UGT1A7: variants seen among roughly 807,000 people sequenced by gnomAD.
The protein encoded by UGT1A7 is UDP-glucuronosyltransferase 1A7.
UGT1A7 carries 33 observed loss-of-function variants against 45.6 expected under a neutral mutation model. The ratio of observed to expected loss-of-function variants is 0.72; its 90% CI spans 0.55 to 0.97. The LOEUF (loss-of-function observed/expected upper bound fraction) is 0.97. UGT1A7 is among the 50% of genes least tolerant of loss of function. UGT1A7 has a pLI of 0.00. For synonymous variants in UGT1A7, 274 were observed against 250.6 expected, an observed-to-expected ratio of 1.09 and a Z score of -0.88; for missense variants, 684 against 666.2, an observed-to-expected ratio of 1.03 and a Z score of -0.29.
At chr2:233,721,929 C>A in intron 1 of UGT1A7, 1 of 379,728 alleles carries the variant, frequency 2.6e-6, no homozygotes, top group East Asian at 7.5e-5. Context: ...AAAGTGACAT[C>A]CTTCAGACAC....
chr2:233,767,805 T>C lies in UGT1A7; in HGVS notation c.988-44T>C, dbSNP rs774301079. On this transcript the variant is annotated intron_variant, in intron 2 of 4. Coordinates refer to ENST00000373426, the MANE Select transcript of UGT1A7 (RefSeq NM_019077.3). The stretch of plus-strand genomic sequence containing the variant: ...GTATAGCAGATTTGTTTTCTAATCA[T>C]ATTATGTTCTTTCTTTACGTTCTGC... 24 of 1,614,048 alleles carry C rather than the reference T, an allele frequency of 1.5e-5. No homozygotes were observed. In the South Asian group the frequency reaches 2.5e-4, roughly 17 times the overall value.
chr2:233,709,107 T>G (rs899292294), intron 1 of UGT1A7, among the ~76,000 whole-genome samples: 1 of 152,146 alleles, frequency 6.6e-6, no homozygotes, highest in Non-Finnish European at 1.5e-5. Context: ...CATGCCCATC[T>G]CTGAACTAAT....
In UGT1A7 at chr2:233,740,213, C is replaced by G. The variant is rs984335401; in HGVS notation, c.856-26821C>G. On this transcript the variant is annotated intron_variant, in intron 1 of 4. Coordinates refer to ENST00000373426, the MANE Select transcript of UGT1A7 (RefSeq NM_019077.3). Reference sequence around the variant, plus strand: ...CTTTCTTTTATAAATTACCCAGTCTCAGCTGCGTCTTTATAGCAGGCTGAG... The same window carrying G: ...CTTTCTTTTATAAATTACCCAGTCTGAGCTGCGTCTTTATAGCAGGCTGAG... Among the ~76,000 whole-genome samples the G allele has an allele frequency of 9.6e-4, 146 of 151,922 alleles. 3 individuals are homozygous for G. Among genetic ancestry groups the G allele is most frequent in the African/African-American group, 3.4e-3 (142 of 41,200 alleles).
At chr2:233,687,583 TAAAAAAA>T (rs71398794) in intron 1 of UGT1A7, among the ~76,000 whole-genome samples, 8 of 107,466 alleles carry the variant, frequency 7.4e-5, no homozygotes, top group Non-Finnish European at 1.1e-4. Flanking sequence ...ACATTCTTTG[TAAAAAAA>T]AAAAAAAAAA....
At chr2:233,686,989 C>T (rs2074816060) in intron 1 of UGT1A7, among the ~76,000 whole-genome samples, 1 of 152,178 alleles carries the variant, frequency 6.6e-6, no homozygotes, top group Admixed American at 6.5e-5. Context: ...TACCCCAAGT[C>T]TTGGTTTCAA....
At chr2:233,747,184 G>A in intron 1 of UGT1A7, 1 of 1,602,858 alleles carries the variant, frequency 6.2e-7, no homozygotes, top group Non-Finnish European at 8.5e-7. Flanking sequence ...GCGTGGGGTG[G>A]ACAGTCAGCT....
At chr2:233,711,907 T>C (rs1300995032) in intron 1 of UGT1A7, among the ~76,000 whole-genome samples, 1 of 152,214 alleles carries the variant, frequency 6.6e-6, no homozygotes, top group Non-Finnish European at 1.5e-5. Context: ...GTGAGACCAT[T>C]GTGAGTGCTC....
rs193084224 is a variant in UGT1A7 at position 233,739,721 on chromosome 2, A to C, written c.856-27313A>C. On this transcript the variant is annotated intron_variant, in intron 1 of 4. Coordinates refer to ENST00000373426, the MANE Select transcript of UGT1A7 (RefSeq NM_019077.3). ...ACAGGCTCATGGGGGAAGGGACTTG[A>C]CTTGTCTCAGATGAGACCTTGGACT... 9.4e-3 allele frequency among the ~76,000 whole-genome samples: 1,433 copies of C among 152,244 alleles called. 32 individuals are homozygous for C. The highest frequency in any genetic ancestry group is 0.032 in the African/African-American group (1,344 of 41,496).
intron 1 of UGT1A7, among the ~76,000 whole-genome samples, chr2:233,709,506 C>T (rs2076079939): frequency 6.6e-6 from 1 of 152,128 alleles, no homozygotes; most frequent in African/African-American, 2.4e-5. Context: ...CTGCCTCTTG[C>T]TCTCTTTTAG....
chr2:233,689,896 C>G (rs2074964875), intron 1 of UGT1A7: 1 of 456,544 alleles, frequency 2.2e-6, no homozygotes, highest in African/African-American at 2.0e-5. Context: ...ATTTATTTCT[C>G]AGGGCCAGGT....
Position 233,697,763 on chromosome 2 carries a change from C to T in UGT1A7, c.855+14971C>T, listed in dbSNP as rs369602705. On this transcript the variant is annotated intron_variant, in intron 1 of 4. Coordinates refer to ENST00000373426, the MANE Select transcript of UGT1A7 (RefSeq NM_019077.3). ...TTGCTATAGCCCATAGATTTTGATACATTGTGTTTCCATTTTCATTCGTTT... is the reference window on the plus strand; with the variant it reads ...TTGCTATAGCCCATAGATTTTGATATATTGTGTTTCCATTTTCATTCGTTT... Among the ~76,000 whole-genome samples the T allele has an allele frequency of 3.3e-5, 5 of 151,988 alleles. No homozygotes were observed. The South Asian group carries it at 1.0e-3, about 32-fold the overall frequency.
At chr2:233,767,317 G>A in intron 2 of UGT1A7, 152 bp downstream of exon 2, 4 of 1,492,088 alleles carry the variant, frequency 2.7e-6, no homozygotes, top group Non-Finnish European at 3.5e-6. Flanking sequence ...TTTTTTTGTT[G>A]TTGTGGTTGT....
chr2:233,720,612 AT>A (rs749616035), intron 1 of UGT1A7, among the ~76,000 whole-genome samples: 15 of 151,828 alleles, frequency 9.9e-5, no homozygotes, highest in Non-Finnish European at 2.1e-4. Context: ...AATACAGAAT[AT>A]TTGGGTTTCA....
intron 1 of UGT1A7, among the ~76,000 whole-genome samples, chr2:233,702,307 C>A (rs2075680349): frequency 6.6e-6 from 1 of 152,052 alleles, no homozygotes; most frequent in Non-Finnish European, 1.5e-5. Flanking sequence ...GTATATTGAT[C>A]TTGTACTTCA....
At chr2:233,748,529 G>A (rs1353260497) in intron 1 of UGT1A7, among the ~76,000 whole-genome samples, 1 of 151,782 alleles carries the variant, frequency 6.6e-6, no homozygotes, top group Non-Finnish European at 1.5e-5. Context: ...ATGATAGAGA[G>A]GTGACCACAG....
At position 233,725,077 on chromosome 2, in the gene UGT1A7, C is replaced by G. The variant is rs1449718817; in HGVS notation, c.856-41957C>G. On this transcript the variant is annotated intron_variant, in intron 1 of 4. Coordinates refer to ENST00000373426, the MANE Select transcript of UGT1A7 (RefSeq NM_019077.3). ...CGGCGCGCGCCTGCAATCGCAGGCACTCGGCAGGCTGAGGCAGGAGAATCA... is the reference window on the plus strand; with the variant it reads ...CGGCGCGCGCCTGCAATCGCAGGCAGTCGGCAGGCTGAGGCAGGAGAATCA... Among the ~76,000 whole-genome samples, 16 of 140,498 alleles carry G rather than the reference C, an allele frequency of 1.1e-4. 1 individual carries two copies. The highest frequency in any genetic ancestry group is 4.2e-4 in the African/African-American group (16 of 38,284). The allele number at this position is 140,498 out of a possible 152,430, so 92.2% of individuals were successfully genotyped here.
At chr2:233,726,567 G>A (rs142621262) in intron 1 of UGT1A7, among the ~76,000 whole-genome samples, 285 of 152,062 alleles carry the variant, frequency 1.9e-3, no homozygotes, top group African/African-American at 5.9e-3. Context: ...CCACTCTTAC[G>A]CCTGTCTCCT....
intron 1 of UGT1A7, chr2:233,708,584 A>G (rs922814919): frequency 1.3e-5 from 2 of 152,072 alleles, no homozygotes; most frequent in Non-Finnish European, 2.9e-5. Flanking sequence ...AGATTCCTTC[A>G]CTACAGAAAG....
intron 4 of UGT1A7, chr2:233,770,235 A>G (rs930818021): frequency 6.6e-6 from 1 of 152,226 alleles, no homozygotes; most frequent in Non-Finnish European, 1.5e-5. Flanking sequence ...GTGAATCTCC[A>G]TGATTCCAAC....
Sources: allele counts gnomAD v4.1 joint callset (sites outside exome capture counted in the v4.1 genomes callset), GRCh38; gene constraint gnomAD v4.1.1; transcripts MANE v1.5; gene names NCBI Gene and HGNC (gene_info 2026-07-23, HGNC 2026-07-21).